The following ANK3 variants were observed in gnomAD, a reference collection of about 807,000 sequenced individuals.
ANK3 encodes the protein ankyrin-3.
A neutral mutation model predicts 370.9 loss-of-function variants in ANK3; 57 were observed. That is an observed-to-expected ratio of 0.15 (90% confidence interval 0.12 to 0.19). The LOEUF (loss-of-function observed/expected upper bound fraction) is 0.19. Among genes scored for constraint, ANK3 ranks in the 10% least tolerant of loss-of-function variants. The pLI, the probability that ANK3 is intolerant of heterozygous loss-of-function variation, is 1.00. For synonymous variants in ANK3, 1,929 were observed against 1,946.3 expected, an observed-to-expected ratio of 0.99 and a Z score of 0.23; for missense variants, 4,439 against 5,302.1, an observed-to-expected ratio of 0.84 and a Z score of 5.06.
At chr10:60,221,067 T>G (rs1404661882) in intron 8 of ANK3, among the ~76,000 whole-genome samples, 2 of 146,010 alleles carry the variant, frequency 1.4e-5, no homozygotes, top group Admixed American at 7.2e-5. Context: ...CAGATACATA[T>G]TTTTTGTTGA....
intron 1 of ANK3, chr10:60,684,771 T>C (rs1308056951): frequency 3.8e-6 from 6 of 1,561,370 alleles, no homozygotes; most frequent in Middle Eastern, 4.7e-4. Flanking sequence ...GGAAGTCATA[T>C]ACCAGATGCA....
intron 1 of ANK3, among the ~76,000 whole-genome samples, chr10:60,656,262 C>T (rs745933768): frequency 3.3e-4 from 50 of 152,154 alleles, no homozygotes; most frequent in African/African-American, 1.2e-3. Context: ...GCATTAGTAC[C>T]TTTCATCTAA....
chr10:60,700,449 T>C (rs1001570316), intron 1 of ANK3, among the ~76,000 whole-genome samples: 6 of 152,198 alleles, frequency 3.9e-5, no homozygotes, highest in East Asian at 1.9e-4. Flanking sequence ...CTGAAAAAAT[T>C]TCCCCCCTGG....
chr10:60,112,030 T>C (rs1201499249), intron 26 of ANK3, among the ~76,000 whole-genome samples: 1 of 152,366 alleles, frequency 6.6e-6, no homozygotes, highest in South Asian at 2.1e-4. Flanking sequence ...CTGCTGCCAT[T>C]ACTTTTGCTT....
At chr10:60,218,764 G>T in intron 8 of ANK3, among the ~76,000 whole-genome samples, 1 of 151,632 alleles carries the variant, frequency 6.6e-6, no homozygotes, top group African/African-American at 2.4e-5. Flanking sequence ...TGTGTCTCGG[G>T]GTTGATCTTA....
At position 60,643,618 on chromosome 10, in the gene ANK3, C is replaced by T. The variant is rs115414961; in HGVS notation, c.58-28394G>A. 2.0e-3 allele frequency among the ~76,000 whole-genome samples: 307 copies of T among 152,092 alleles called. 1 individual carries two copies. The highest frequency in any genetic ancestry group is 7.0e-3 in the African/African-American group (290 of 41,496). On this transcript the variant is annotated intron_variant, in intron 1 of 43. Transcript: ENST00000373827. ...TCTCATTTTACCTTCTAGGGACCAA[C>T]CTTTCTCACATGGTAGAGCTCTCAA...
chr10:60,464,170 C>T (rs988535291), intron 2 of ANK3, among the ~76,000 whole-genome samples: 8 of 151,972 alleles, frequency 5.3e-5, no homozygotes, highest in Non-Finnish European at 7.4e-5. Context: ...GTGCTGTTGT[C>T]GCCATTCATT....
intron 2 of ANK3, among the ~76,000 whole-genome samples, chr10:60,592,854 G>A (rs1187194612): frequency 1.3e-5 from 2 of 152,180 alleles, no homozygotes; most frequent in African/African-American, 4.8e-5. Context: ...TGACGGTTCT[G>A]GTAGGCTCTT....
At chr10:60,454,757 A>G (rs905921793) in intron 2 of ANK3, among the ~76,000 whole-genome samples, 2 of 152,184 alleles carry the variant, frequency 1.3e-5, no homozygotes, top group African/African-American at 4.8e-5. Flanking sequence ...CGAGTTCACA[A>G]ATAAGCTTTC....
chr10:60,660,005 C>G (rs10994463), intron 1 of ANK3, among the ~76,000 whole-genome samples: 50,603 of 151,848 alleles, frequency 0.33, 8,979 homozygotes, highest in South Asian at 0.56. Flanking sequence ...GATTGATTTT[C>G]CTATCTAGAC....
intron 1 of ANK3, among the ~76,000 whole-genome samples, chr10:60,329,370 A>G (rs979607731): frequency 6.6e-6 from 1 of 152,200 alleles, no homozygotes; most frequent in Non-Finnish European, 1.5e-5. Flanking sequence ...ACATGATTAT[A>G]TATTTAGAAA....
At chr10:60,708,582 T>C (rs2079652718) in intron 1 of ANK3, among the ~76,000 whole-genome samples, 1 of 152,142 alleles carries the variant, frequency 6.6e-6, no homozygotes. Context: ...ACCCAGAACA[T>C]TCTGTTTTCC....
intron 2 of ANK3, among the ~76,000 whole-genome samples, chr10:60,407,096 G>A (rs548181018): frequency 1.5e-4 from 23 of 152,170 alleles, no homozygotes; most frequent in Admixed American, 3.9e-4. Context: ...TTTCTACTCT[G>A]TTGTATCACA....
chr10:60,045,016 G>A (rs2076711889), intron 42 of ANK3, among the ~76,000 whole-genome samples: 1 of 152,056 alleles, frequency 6.6e-6, no homozygotes, highest in Non-Finnish European at 1.5e-5. Flanking sequence ...CAATACCAAG[G>A]GAATTTAAGA....
rs568270391 is a variant in ANK3, at chr10:60,123,041, C to T, written c.2842-8710G>A. On this transcript the variant is annotated intron_variant, in intron 25 of 43. Transcript: ENST00000280772. ...TCATTTTTTGTTTGAGTTGTCAGAA[C>T]CTATTAGCCCTGAGAGTAATGGAGC... Among the ~76,000 whole-genome samples, 29 of 152,226 alleles carry T rather than the reference C, an allele frequency of 1.9e-4. No individual in the cohort carries two copies. The South Asian group carries it at 6.0e-3, about 32-fold the overall frequency.
intron 2 of ANK3, among the ~76,000 whole-genome samples, chr10:60,498,114 G>C (rs192777780): frequency 1.3e-5 from 2 of 151,870 alleles, no homozygotes; most frequent in Non-Finnish European, 2.9e-5. Context: ...TTTCTACCTC[G>C]CTGCCCCCAG....
chr10:60,625,625 C>T (rs915270734), intron 1 of ANK3, among the ~76,000 whole-genome samples: 1 of 152,184 alleles, frequency 6.6e-6, no homozygotes, highest in South Asian at 2.1e-4. Context: ...TTATACCTGG[C>T]TCATCCTCCC....
At chr10:60,124,767 G>A (rs1471315249) in intron 25 of ANK3, among the ~76,000 whole-genome samples, 4 of 152,132 alleles carry the variant, frequency 2.6e-5, no homozygotes, top group Non-Finnish European at 2.9e-5. Context: ...CACCCATCAG[G>A]TTTACAGTCC....
chr10:60,191,508 C>T (rs1473979760), intron 16 of ANK3, among the ~76,000 whole-genome samples: 1 of 152,112 alleles, frequency 6.6e-6, no homozygotes, highest in African/African-American at 2.4e-5. Flanking sequence ...CAGAGAAATG[C>T]AAATCAAAAC....
Sources: allele counts gnomAD v4.1 joint callset (sites outside exome capture counted in the v4.1 genomes callset), GRCh38; gene constraint gnomAD v4.1.1; transcripts MANE v1.5; gene names NCBI Gene and HGNC (gene_info 2026-07-23, HGNC 2026-07-21).